The following STRN3 variants were observed in gnomAD, a reference collection of about 807,000 sequenced individuals.
STRN3 encodes the protein striatin 3.
In STRN3, 29 loss-of-function variants were observed where a neutral mutation model predicts 95.6. The ratio of observed to expected loss-of-function variants is 0.30; its 90% CI spans 0.23 to 0.41. STRN3 has a LOEUF of 0.41. STRN3 is among the 10% of genes least tolerant of loss of function. The probability of loss-of-function intolerance (pLI) is 1.00; values close to 1 mark genes in which losing one functional copy is unlikely to be tolerated. For synonymous variants in STRN3, 331 were observed against 357.6 expected, an observed-to-expected ratio of 0.93 and a Z score of 0.84; for missense variants, 890 against 972.1, an observed-to-expected ratio of 0.92 and a Z score of 1.12.
At chr14:30,920,232 A>G (rs969348366) in intron 8 of STRN3, among the ~76,000 whole-genome samples, 4 of 152,292 alleles carry the variant, frequency 2.6e-5, no homozygotes, top group African/African-American at 9.6e-5. Context: ...ATTTTACAGT[A>G]ATTTCTAATT....
intron 1 of STRN3, among the ~76,000 whole-genome samples, chr14:30,958,884 T>TA (rs1412334166): frequency 6.6e-6 from 1 of 152,156 alleles, no homozygotes; most frequent in African/African-American, 2.4e-5. Flanking sequence ...TATCCACACT[T>TA]AGACAATCTA....
At chr14:30,951,067 T>A (rs998589363) in intron 3 of STRN3, 123 bp from the exon 4 acceptor site, 1 of 803,180 alleles carries the variant, frequency 1.2e-6, no homozygotes, top group Non-Finnish European at 1.9e-6. Context: ...AGGAAAAAAT[T>A]AACTTTCATC....
chr14:30,915,022 A>T (rs1325400358), intron 9 of STRN3, among the ~76,000 whole-genome samples: 2 of 152,228 alleles, frequency 1.3e-5, no homozygotes, highest in South Asian at 2.1e-4. Context: ...CTTTGAAAGC[A>T]AAATTTTAAC....
chr14:31,021,242 G>A (rs1187899427), intron 1 of STRN3, among the ~76,000 whole-genome samples: 2 of 152,116 alleles, frequency 1.3e-5, no homozygotes, highest in Non-Finnish European at 2.9e-5. Context: ...GAAATACAAG[G>A]GACATCTGGA....
intron 8 of STRN3, 93 bp downstream of exon 8, chr14:30,929,108 C>CA: frequency 9.2e-7 from 1 of 1,092,686 alleles, no homozygotes; most frequent in African/African-American, 1.6e-5. Context: ...CTTTATGAAA[C>CA]AAAAAATTAA....
At chr14:30,971,508 A>T (rs1203123700) in intron 1 of STRN3, among the ~76,000 whole-genome samples, 2 of 152,218 alleles carry the variant, frequency 1.3e-5, no homozygotes, top group African/African-American at 4.8e-5. Context: ...GCGATTTATT[A>T]ACTACACTAG....
chr14:30,988,511 G>A lies in STRN3; in HGVS notation c.283-32269C>T, dbSNP rs549494208. On this transcript the variant is annotated intron_variant, in intron 1 of 17. Coordinates refer to ENST00000357479, the MANE Select transcript of STRN3 (RefSeq NM_001083893.2). ...TGAGCCCAACTACAACAAAATTAAA[G>A]CATATCAATGAATGGAGATGAAACA... Among the ~76,000 whole-genome samples the A allele has an allele frequency of 3.3e-5, 5 of 152,208 alleles. No individual in the cohort carries two copies. The East Asian group carries it at 7.7e-4, about 23-fold the overall frequency.
chr14:30,936,170 A>G (rs913857658), intron 6 of STRN3, among the ~76,000 whole-genome samples: 1 of 152,216 alleles, frequency 6.6e-6, no homozygotes, highest in African/African-American at 2.4e-5. Context: ...TTAATTTATC[A>G]CTGGTGTGCT....
intron 1 of STRN3, among the ~76,000 whole-genome samples, chr14:31,012,986 T>C (rs1457037565): frequency 6.6e-6 from 1 of 151,658 alleles, no homozygotes; most frequent in African/African-American, 2.4e-5. Flanking sequence ...AGGGAGGGCA[T>C]AGTGGTTCAT....
At chr14:31,018,667 G>A (rs1039921997) in intron 1 of STRN3, 17 of 463,900 alleles carry the variant, frequency 3.7e-5, no homozygotes, top group African/African-American at 3.5e-4. Flanking sequence ...GCCAGTTTCA[G>A]AAAACAGTTG....
chr14:30,898,634 T>C (rs1324121507), intron 16 of STRN3, among the ~76,000 whole-genome samples: 1 of 152,186 alleles, frequency 6.6e-6, no homozygotes, highest in Non-Finnish European at 1.5e-5. Context: ...TCACAAAGCT[T>C]CTGACCCCTT....
At chr14:30,929,962 A>AAAAAAAAAAAAC (rs1878418927) in intron 7 of STRN3, among the ~76,000 whole-genome samples, 1 of 147,138 alleles carries the variant, frequency 6.8e-6, no homozygotes, top group African/African-American at 2.5e-5. Context: ...AGCAAAAAAA[A>AAAAAAAAAAAAC]AAAAAAAAAA....
At chr14:30,912,834 A>G (rs1896643816) in intron 10 of STRN3, among the ~76,000 whole-genome samples, 1 of 152,148 alleles carries the variant, frequency 6.6e-6, no homozygotes, top group African/African-American at 2.4e-5. Context: ...CCAGCCCACC[A>G]AAGGCTGTCT....
At chr14:30,937,518 A>G (rs533513683) in intron 5 of STRN3, among the ~76,000 whole-genome samples, 17 of 152,210 alleles carry the variant, frequency 1.1e-4, no homozygotes, top group Non-Finnish European at 2.2e-4. Flanking sequence ...CCACTTAACT[A>G]AATCTTTTAA....
intron 7 of STRN3, chr14:30,932,394 T>C (rs1010790693): frequency 2.0e-5 from 3 of 152,160 alleles, no homozygotes; most frequent in African/African-American, 7.2e-5. Flanking sequence ...TTGGAAAAAA[T>C]GACTATAACA....
chr14:31,003,922 G>A (rs1270277981), intron 1 of STRN3, among the ~76,000 whole-genome samples: 2 of 151,626 alleles, frequency 1.3e-5, no homozygotes, highest in African/African-American at 4.8e-5. Context: ...GCCGACAGAG[G>A]CCTCCCAGGC....
chr14:31,021,569 C>T (rs146201537), intron 1 of STRN3, among the ~76,000 whole-genome samples: 11 of 152,182 alleles, frequency 7.2e-5, no homozygotes, highest in African/African-American at 2.2e-4. Flanking sequence ...TCTGAATATA[C>T]AGTGAGAACA....
chr14:30,900,666 T>C (rs779797029), intron 16 of STRN3, among the ~76,000 whole-genome samples: 12 of 151,366 alleles, frequency 7.9e-5, no homozygotes, highest in Non-Finnish European at 1.2e-4. Flanking sequence ...CCAGAATCAA[T>C]TGAACCCAAG....
intron 1 of STRN3, among the ~76,000 whole-genome samples, chr14:31,004,639 G>T (rs762390066): frequency 6.6e-6 from 1 of 152,040 alleles, no homozygotes; most frequent in Non-Finnish European, 1.5e-5. Flanking sequence ...TGGGTATGGT[G>T]GCACATCCCT....
Sources: gnomAD v4.1 joint callset for allele counts (sites outside exome capture counted in the v4.1 genomes callset) on GRCh38, gnomAD v4.1.1 for gene constraint, MANE v1.5 for transcripts, NCBI Gene and HGNC (gene_info 2026-07-23, HGNC 2026-07-21) for gene names.